The following ELMOD1 variants were observed in gnomAD, a reference collection of about 807,000 sequenced individuals.
The protein encoded by ELMOD1 is ELMO domain containing 1.
In ELMOD1, 21 loss-of-function variants were observed where a neutral mutation model predicts 46.7. The observed-to-expected ratio is 0.45, with a 90% confidence interval of 0.32 to 0.65. The LOEUF is 0.65. Among genes scored for constraint, ELMOD1 ranks in the 30% least tolerant of loss-of-function variants. The pLI is 0.04. For synonymous variants in ELMOD1, 122 were observed against 138.2 expected (o/e 0.88, Z 0.82); for missense variants, 348 against 407.8 (o/e 0.85, Z 1.26).
intron 6 of ELMOD1, among the ~76,000 whole-genome samples, chr11:107,646,950 C>G (rs909328952): frequency 9.5e-6 from 1 of 105,494 alleles, no homozygotes; most frequent in Non-Finnish European, 1.8e-5. Flanking sequence ...TCTAATCTAT[C>G]TATCTATCTA....
chr11:107,621,911 C>T (rs7939469), intron 2 of ELMOD1, among the ~76,000 whole-genome samples: 54,416 of 151,834 alleles, frequency 0.36, 10,208 homozygotes, highest in African/African-American at 0.47. Context: ...CCTGTAATCC[C>T]AGCTACTAGG....
At chr11:107,618,925 G>T (rs1012672739) in intron 2 of ELMOD1, among the ~76,000 whole-genome samples, 1 of 152,132 alleles carries the variant, frequency 6.6e-6, no homozygotes, top group African/African-American at 2.4e-5. Context: ...AGTTAGTCAG[G>T]TCCTGAATGT....
intron 1 of ELMOD1, among the ~76,000 whole-genome samples, chr11:107,607,525 G>A (rs1005208982): frequency 6.6e-6 from 1 of 152,096 alleles, no homozygotes; most frequent in African/African-American, 2.4e-5. Context: ...AGGCATGGTG[G>A]CATGCACTTG....
At chr11:107,607,272 C>A (rs770410738) in intron 1 of ELMOD1, among the ~76,000 whole-genome samples, 6 of 152,200 alleles carry the variant, frequency 3.9e-5, no homozygotes, top group African/African-American at 1.4e-4. Context: ...TTTTCACATA[C>A]ATTAAAGAGA....
chr11:107,640,186 A>G (rs1866297660), intron 6 of ELMOD1, among the ~76,000 whole-genome samples: 1 of 152,150 alleles, frequency 6.6e-6, no homozygotes, highest in East Asian at 1.9e-4. Context: ...TTTTTTAAAT[A>G]GGAAATATAC....
chr11:107,626,288 G>A (rs1202320519), intron 2 of ELMOD1, among the ~76,000 whole-genome samples: 1 of 151,142 alleles, frequency 6.6e-6, no homozygotes. Context: ...GAAACAGGAG[G>A]TTGAGATTAG....
In ELMOD1 at chr11:107,635,552, T is replaced by A. The variant is rs149394348; in HGVS notation, c.291-84T>A. 2.9e-3 allele frequency: 3,862 copies of A among 1,325,460 alleles called. 26 individuals are homozygous for A. Among genetic ancestry groups the A allele is most frequent in the Middle Eastern group, 0.017 (76 of 4,570 alleles). 82.1% of individuals were successfully genotyped at this position (1,325,460 alleles called of 1,614,324 possible). A position where few individuals can be genotyped will look rare whatever the true frequency, so the allele number is the denominator to read the frequency against. On this transcript the variant is annotated intron_variant, in intron 5 of 11. Transcript: ENST00000265840. ...AATATTATATTAATATGAAAAGTTCTATCATGCATACATCAAGTGAACAAA... is the reference window on the plus strand; with the variant it reads ...AATATTATATTAATATGAAAAGTTCAATCATGCATACATCAAGTGAACAAA...
intron 10 of ELMOD1, 118 bp from the exon 11 acceptor site, chr11:107,655,815 T>G: frequency 9.1e-7 from 1 of 1,103,456 alleles, no homozygotes; most frequent in Non-Finnish European, 1.3e-6. Flanking sequence ...CTTCCTGACA[T>G]TACCATGGCA....
At chr11:107,593,240 C>T (rs970636568) in intron 1 of ELMOD1, 3 of 152,378 alleles carry the variant, frequency 2.0e-5, no homozygotes, top group African/African-American at 7.2e-5. Flanking sequence ...TTGTTTATTT[C>T]TCTTTTTGCA....
intron 1 of ELMOD1, among the ~76,000 whole-genome samples, chr11:107,609,096 A>T (rs1016451457): frequency 1.3e-5 from 2 of 152,148 alleles, no homozygotes; most frequent in Non-Finnish European, 2.9e-5. Context: ...GATAATTGTT[A>T]TTGTTCACTT....
At chr11:107,618,395 G>A (rs1199692518) in intron 2 of ELMOD1, among the ~76,000 whole-genome samples, 189 bp downstream of exon 2, 1 of 152,204 alleles carries the variant, frequency 6.6e-6, no homozygotes, top group Admixed American at 6.5e-5. Flanking sequence ...TATGCGTGCT[G>A]ATGATAAGAC....
intron 1 of ELMOD1, among the ~76,000 whole-genome samples, chr11:107,614,500 G>A (rs1353902383): frequency 3.3e-5 from 5 of 151,974 alleles, no homozygotes; most frequent in Non-Finnish European, 5.9e-5. Flanking sequence ...CACCACACCC[G>A]GCTAATTTTT....
At chr11:107,617,676 G>A (rs576422307) in intron 1 of ELMOD1, among the ~76,000 whole-genome samples, 18 of 152,270 alleles carry the variant, frequency 1.2e-4, no homozygotes, top group African/African-American at 4.3e-4. Flanking sequence ...TTATCTTGAA[G>A]TTAGTTGGTT....
chr11:107,644,026 A>G (rs1435200218), intron 6 of ELMOD1, among the ~76,000 whole-genome samples: 1 of 152,154 alleles, frequency 6.6e-6, no homozygotes, highest in Non-Finnish European at 1.5e-5. Flanking sequence ...TAATCCTAGA[A>G]CTTTGGGAGG....
At chr11:107,603,156 A>C (rs1323512330) in intron 1 of ELMOD1, among the ~76,000 whole-genome samples, 1 of 152,168 alleles carries the variant, frequency 6.6e-6, no homozygotes, top group African/African-American at 2.4e-5. Context: ...TTTACAAGTA[A>C]ATTTCATCTC....
chr11:107,617,647 G>C (rs1865884690), intron 1 of ELMOD1, among the ~76,000 whole-genome samples: 1 of 152,158 alleles, frequency 6.6e-6, no homozygotes. Flanking sequence ...TTGAGCTTGA[G>C]CTCTTTAACA....
intron 1 of ELMOD1, among the ~76,000 whole-genome samples, chr11:107,597,732 G>A (rs1865517350): frequency 6.6e-6 from 1 of 152,160 alleles, no homozygotes; most frequent in South Asian, 2.1e-4. Context: ...CCATGTGTTA[G>A]TTATTCCCTA....
Position 107,665,029 on chromosome 11 carries a change from T to C in ELMOD1, c.837T>C (p.Tyr279=). 1 of 1,612,974 alleles carries C rather than the reference T, an allele frequency of 6.2e-7. No individual in the cohort carries two copies. The highest frequency in any genetic ancestry group is 8.5e-7 in the Non-Finnish European group (1 of 1,179,296). The change falls in exon 12 of 12, where the codon TAT becomes TAC. Residue 279 remains tyrosine (Y), a synonymous_variant. Transcript: ENST00000265840. ...TLSHFQQTFC[Y]LMHEFHKFWI... is the part of the protein sequence containing the mutation. ...TCATTGTATTGTCTCCAACAGGCTA[T>C]TTGATGCATGAATTTCATAAGTTTT...
At chr11:107,649,873 A>G (rs1358515446) in intron 7 of ELMOD1, among the ~76,000 whole-genome samples, 1 of 152,208 alleles carries the variant, frequency 6.6e-6, no homozygotes, top group Admixed American at 6.5e-5. Context: ...TATGCTCAGT[A>G]AGATATTTTC....
Sources: gnomAD v4.1 joint callset for allele counts (sites outside exome capture counted in the v4.1 genomes callset) on GRCh38, gnomAD v4.1.1 for gene constraint, MANE v1.5 for transcripts, NCBI Gene and HGNC (gene_info 2026-07-23, HGNC 2026-07-21) for gene names.